Variants in SLC25A51 observed in about 807,000 individuals in gnomAD.
SLC25A51 encodes mitochondrial nicotinamide adenine dinucleotide transporter SLC25A51.
Under a neutral mutation model 19.1 loss-of-function variants are expected in SLC25A51, and 11 were observed. That is an observed-to-expected ratio of 0.58 (90% CI 0.36 to 0.96). The LOEUF (loss-of-function observed/expected upper bound fraction) is 0.96, where lower values mean the gene tolerates loss of function less well. Among genes scored for constraint, SLC25A51 ranks in the 40% least tolerant of loss-of-function variants. SLC25A51 has a pLI of 0.01. For missense variants in SLC25A51, 201 were observed against 365.4 expected (o/e 0.55, Z 3.67); for synonymous variants, 105 against 133.6 (o/e 0.79, Z 1.47).
downstream of SLC25A51, chr9:37,878,441 C>A (rs751700484): frequency 5.0e-6 from 1 of 198,166 alleles, no homozygotes; most frequent in East Asian, 1.2e-4. Flanking sequence ...CGAAAGAAAT[C>A]CTGGTGTCAA....
At chr9:37,885,356 A>AC (rs977395004), downstream of SLC25A51, among the ~76,000 whole-genome samples, 2 of 151,022 alleles carry the variant, frequency 1.3e-5, no homozygotes, top group African/African-American at 2.4e-5. Flanking sequence ...AAAAAAAAAA[A>AC]AAAAAAAAAA....
chr9:37,880,803 T>C (rs889690884), intron 3 of SLC25A51: 1 of 152,182 alleles, frequency 6.6e-6, no homozygotes, highest in African/African-American at 2.4e-5. Context: ...AACCAGTCTC[T>C]TGGGGATTGG....
chr9:37,892,619 C>T (rs1831618674), intron 2 of SLC25A51, among the ~76,000 whole-genome samples: 1 of 151,942 alleles, frequency 6.6e-6, no homozygotes, highest in African/African-American at 2.4e-5. Flanking sequence ...GTTGCCCAGG[C>T]TGGAATGCAG....
exon 4 of SLC25A51, chr9:37,880,330 G>T (rs1831326732): frequency 6.6e-6 from 1 of 150,906 alleles, no homozygotes; most frequent in Admixed American, 6.6e-5. Context: ...AAAAATTATT[G>T]ACAATATGAA....
At chr9:37,879,017 C>A (rs1831303549), downstream of SLC25A51, 2 of 264,552 alleles carry the variant, frequency 7.6e-6, no homozygotes, top group South Asian at 4.8e-5. Context: ...CTTTTGAAAT[C>A]AGAAAGTCAG....
chr9:37,901,996 A>C (rs1462378206), intron 1 of SLC25A51, among the ~76,000 whole-genome samples: 17 of 152,338 alleles, frequency 1.1e-4, no homozygotes, highest in African/African-American at 3.6e-4. Flanking sequence ...AACAATGTTA[A>C]ATCAACAAGA....
chr9:37,886,432 G>T (rs13294843), downstream of SLC25A51: 2 of 1,540,930 alleles, frequency 1.3e-6, no homozygotes, highest in Admixed American at 2.0e-5. Context: ...TCAATTCCAG[G>T]CTCTTTCCAT....
At chr9:37,897,769 T>C (rs1326568679) in intron 2 of SLC25A51, among the ~76,000 whole-genome samples, 2 of 152,148 alleles carry the variant, frequency 1.3e-5, no homozygotes, top group African/African-American at 4.8e-5. Context: ...CAGGAAGTTC[T>C]TGTCATCTGA....
downstream of SLC25A51, chr9:37,886,140 C>T (rs1831451529): frequency 7.0e-7 from 1 of 1,424,654 alleles, no homozygotes; most frequent in African/African-American, 1.4e-5. Context: ...TCACCCCTCA[C>T]CAATCAACTC....
intron 2 of SLC25A51, among the ~76,000 whole-genome samples, chr9:37,892,230 G>A (rs1831606991): frequency 6.6e-6 from 1 of 152,214 alleles, no homozygotes; most frequent in African/African-American, 2.4e-5. Context: ...ACAGCAGGAG[G>A]TCATTAATCA....
At chr9:37,895,950 A>G (rs557117224) in intron 2 of SLC25A51, among the ~76,000 whole-genome samples, 1 of 151,832 alleles carries the variant, frequency 6.6e-6, no homozygotes, top group East Asian at 1.9e-4. Flanking sequence ...AGTAGCTGGG[A>G]TGATAGGTGT....
At chr9:37,882,125 C>T (rs1831359943) in intron 2 of SLC25A51, among the ~76,000 whole-genome samples, 1 of 152,158 alleles carries the variant, frequency 6.6e-6, no homozygotes. Flanking sequence ...GCAAAGACAG[C>T]ATTAAAAACT....
downstream of SLC25A51, among the ~76,000 whole-genome samples, chr9:37,883,112 T>C (rs780737432): frequency 3.3e-5 from 5 of 152,254 alleles, no homozygotes; most frequent in Non-Finnish European, 7.3e-5. Context: ...CCCAAAGTGC[T>C]GGGATTACAG....
Position 37,888,302 on chromosome 9 carries a change from T to G in SLC25A51, c.249A>C (p.Gly83=), listed in dbSNP as rs1266815084. 6.2e-7 allele frequency: 1 copy of G among 1,614,118 alleles called. No homozygotes were observed. Among genetic ancestry groups the G allele is most frequent in the African/African-American group, 1.3e-5 (1 of 74,938 alleles). ...RRDGFRNLYR[G]ILPPLMQKTT... is the part of the protein sequence containing the mutation. ...TCTTCTGCATCAATGGGGGAAGGATTCCACGATACAAATTTCGAAATCCAT... is the reference window on the plus strand; with the variant it reads ...TCTTCTGCATCAATGGGGGAAGGATGCCACGATACAAATTTCGAAATCCAT... The change falls in exon 3 of 3, where the codon GGA becomes GGC. Residue 83 remains glycine, a synonymous_variant. Coordinates refer to ENST00000242275, the MANE Select transcript of SLC25A51 (RefSeq NM_033412.4).
At chr9:37,882,888 G>A (rs1302002702), downstream of SLC25A51, among the ~76,000 whole-genome samples, 2 of 152,028 alleles carry the variant, frequency 1.3e-5, no homozygotes, top group Non-Finnish European at 2.9e-5. Flanking sequence ...CTGTTGCCCA[G>A]GCTGGAGTGC....
At chr9:37,886,946 G>A (rs1479943642), downstream of SLC25A51, among the ~76,000 whole-genome samples, 2 of 151,430 alleles carry the variant, frequency 1.3e-5, no homozygotes, top group African/African-American at 4.9e-5. Flanking sequence ...GGTGGATCAC[G>A]AGGTCAGGAG....
In SLC25A51 at chr9:37,894,775, C is replaced by T. The variant is rs965855429; in HGVS notation, c.-43+5054G>A. On this transcript the variant is annotated intron_variant, in intron 2 of 2. Coordinates refer to ENST00000242275, the MANE Select transcript of SLC25A51 (RefSeq NM_033412.4). ...TCCTGATCCTCTCCCTCCTCCCACC[C>T]TCCACCCTCCTATGGGCCCCAGTGT... 2.6e-5 allele frequency among the ~76,000 whole-genome samples: 4 copies of T among 152,166 alleles called. No homozygotes were observed. The East Asian group carries it at 5.8e-4, about 22-fold the overall frequency.
At chr9:37,880,613 G>T (rs1320074442) in exon 4 of SLC25A51, 1 of 152,284 alleles carries the variant, frequency 6.6e-6, no homozygotes, top group Non-Finnish European at 1.5e-5. Flanking sequence ...AGCCAGGCGT[G>T]GTGGCGCATG....
chr9:37,891,397 C>T (rs923890505), intron 2 of SLC25A51, among the ~76,000 whole-genome samples: 3 of 152,054 alleles, frequency 2.0e-5, no homozygotes, highest in East Asian at 1.9e-4. Context: ...ATGACGATGG[C>T]GGTTTTGTCG....
Sources: gnomAD v4.1 joint callset for allele counts (sites outside exome capture counted in the v4.1 genomes callset) on GRCh38, gnomAD v4.1.1 for gene constraint, MANE v1.5 for transcripts, NCBI Gene and HGNC (gene_info 2026-07-23, HGNC 2026-07-21) for gene names.